The following TBCK variants were observed in gnomAD, a reference collection of about 807,000 sequenced individuals.
TBCK encodes the protein TBC domain-containing protein kinase-like protein.
A neutral mutation model predicts 113.4 loss-of-function variants in TBCK; 99 were observed. That is an observed-to-expected ratio of 0.87 (90% CI 0.74 to 1.03). TBCK has a LOEUF of 1.03. Among genes scored for constraint, TBCK ranks in the 50% least tolerant of loss-of-function variants. The pLI is 0.00. For synonymous variants in TBCK, 369 were observed against 370.8 expected (o/e 1.00, Z 0.05); for missense variants, 1,045 against 1,061.3 (o/e 0.98, Z 0.21).
chr4:106,191,693 G>A (rs1420808493), intron 22 of TBCK, among the ~76,000 whole-genome samples: 1 of 152,140 alleles, frequency 6.6e-6, no homozygotes, highest in Non-Finnish European at 1.5e-5. Flanking sequence ...GTCTTTGCAT[G>A]TAGGATAACC....
chr4:106,232,841 A>G, intron 17 of TBCK, 97 bp downstream of exon 17: 2 of 1,229,094 alleles, frequency 1.6e-6, no homozygotes, highest in Non-Finnish European at 2.2e-6. Flanking sequence ...GACTTTCCCC[A>G]AAGACAAGGA....
chr4:106,129,341 G>A (rs1745601453), intron 23 of TBCK, among the ~76,000 whole-genome samples: 1 of 152,068 alleles, frequency 6.6e-6, no homozygotes. Flanking sequence ...CCCTCCCTGT[G>A]CCCATGTGTT....
At chr4:106,147,744 G>A (rs796176697) in intron 23 of TBCK, among the ~76,000 whole-genome samples, 5 of 152,226 alleles carry the variant, frequency 3.3e-5, no homozygotes, top group African/African-American at 9.6e-5. Context: ...TAGAGCATGT[G>A]TGTTTAAACA....
chr4:106,309,039 C>A (rs745973842), intron 1 of TBCK, 50 bp from the exon 2 acceptor site: 4 of 1,259,330 alleles, frequency 3.2e-6, no homozygotes, highest in Admixed American at 2.7e-5. Flanking sequence ...GCCAGACAGA[C>A]CAAATCTTAA....
intron 3 of TBCK, among the ~76,000 whole-genome samples, chr4:106,265,175 C>A (rs1049996724): frequency 5.9e-5 from 9 of 151,936 alleles, no homozygotes; most frequent in Non-Finnish European, 1.2e-4. Context: ...ACATCTTTCA[C>A]TGTTTTCTCT....
chr4:106,130,611 C>CACAG (rs1745779001), intron 23 of TBCK, among the ~76,000 whole-genome samples: 1 of 151,548 alleles, frequency 6.6e-6, no homozygotes. Flanking sequence ...CACACACACA[C>CACAG]ACACACACAC....
intron 19 of TBCK, among the ~76,000 whole-genome samples, chr4:106,216,273 C>T (rs1284075525): frequency 2.0e-5 from 3 of 149,686 alleles, no homozygotes; most frequent in Admixed American, 2.0e-4. Context: ...AGGAAAGATC[C>T]AAAATTGACA....
At chr4:106,111,030 C>A (rs573711736) in intron 24 of TBCK, among the ~76,000 whole-genome samples, 2 of 151,962 alleles carry the variant, frequency 1.3e-5, no homozygotes, top group Admixed American at 1.3e-4. Flanking sequence ...GAGCCACTAG[C>A]CCATTTACAA....
chr4:106,235,030 TTC>T (rs1418093339), intron 15 of TBCK, among the ~76,000 whole-genome samples: 2 of 152,118 alleles, frequency 1.3e-5, no homozygotes, highest in African/African-American at 4.8e-5. Flanking sequence ...TCAAAACATT[TTC>T]TGTGACCACT....
intron 2 of TBCK, among the ~76,000 whole-genome samples, chr4:106,301,930 T>C (rs972067454): frequency 3.3e-5 from 5 of 152,204 alleles, no homozygotes; most frequent in African/African-American, 1.2e-4. Context: ...ATACTTTCAC[T>C]AAGGAGACTG....
chr4:106,301,492 C>T (rs1387702369), intron 2 of TBCK, among the ~76,000 whole-genome samples: 1 of 151,934 alleles, frequency 6.6e-6, no homozygotes, highest in East Asian at 1.9e-4. Flanking sequence ...TTTTTTTCTC[C>T]TAAAGATATT....
At chr4:106,261,804 C>T (rs1359238734) in intron 4 of TBCK, among the ~76,000 whole-genome samples, 1 of 151,824 alleles carries the variant, frequency 6.6e-6, no homozygotes, top group Non-Finnish European at 1.5e-5. Context: ...GAGGAGTATA[C>T]TGGGACGCCA....
chr4:106,072,855 A>G (rs1737640156), intron 25 of TBCK, among the ~76,000 whole-genome samples: 1 of 152,120 alleles, frequency 6.6e-6, no homozygotes, highest in African/African-American at 2.4e-5. Context: ...TTGATCTTCA[A>G]TCACTGATAC....
intron 18 of TBCK, among the ~76,000 whole-genome samples, chr4:106,230,940 T>C (rs1450729334): frequency 6.6e-6 from 1 of 151,856 alleles, no homozygotes; most frequent in Non-Finnish European, 1.5e-5. Context: ...AACTCTAGTC[T>C]AGATTAATGA....
chr4:106,246,380 A>G (rs1038702078), intron 10 of TBCK, among the ~76,000 whole-genome samples: 34 of 152,168 alleles, frequency 2.2e-4, no homozygotes, highest in African/African-American at 8.2e-4. Flanking sequence ...AACTGGTGTC[A>G]CTAAACCTTA....
chr4:106,225,128 T>C (rs73838160), intron 19 of TBCK, among the ~76,000 whole-genome samples: 2,771 of 152,314 alleles, frequency 0.018, 78 homozygotes, highest in African/African-American at 0.061. Flanking sequence ...AGCACAGTTA[T>C]ATACTGAAAG....
chr4:106,117,924 G>C (rs935730441), intron 23 of TBCK, among the ~76,000 whole-genome samples: 15 of 151,718 alleles, frequency 9.9e-5, no homozygotes, highest in African/African-American at 3.6e-4. Flanking sequence ...CAGGAGAATG[G>C]CGTGAACCCG....
intron 25 of TBCK, among the ~76,000 whole-genome samples, chr4:106,084,662 A>C (rs1385381629): frequency 6.6e-6 from 1 of 152,198 alleles, no homozygotes; most frequent in Non-Finnish European, 1.5e-5. Flanking sequence ...GTTGAAATGA[A>C]GGAAAAACTG....
chr4:106,214,619 T>C (rs994817403), intron 19 of TBCK, among the ~76,000 whole-genome samples: 1 of 151,848 alleles, frequency 6.6e-6, no homozygotes, highest in African/African-American at 2.4e-5. Context: ...GTATCAGCAA[T>C]GGAAGATGAA....
Sources: gnomAD v4.1 joint callset for allele counts (sites outside exome capture counted in the v4.1 genomes callset) on GRCh38, gnomAD v4.1.1 for gene constraint, MANE v1.5 for transcripts, NCBI Gene and HGNC (gene_info 2026-07-23, HGNC 2026-07-21) for gene names.